Variants in UNC5C observed in about 807,000 individuals in gnomAD.
The protein encoded by UNC5C is unc-5 netrin receptor C, also known as netrin receptor UNC5C.
A neutral mutation model predicts 99.8 loss-of-function variants in UNC5C; 47 were observed. The observed-to-expected ratio is 0.47, with a 90% CI of 0.37 to 0.60. The LOEUF is 0.60. Among genes scored for constraint, UNC5C ranks in the 20% least tolerant of loss-of-function variants. The probability of loss-of-function intolerance (pLI) is 0.00; values close to 1 mark genes in which losing one functional copy is unlikely to be tolerated. For missense variants in UNC5C, 1,062 were observed against 1,165.9 expected (o/e 0.91, Z 1.30); for synonymous variants, 487 against 452.2 (o/e 1.08, Z -0.98).
chr4:95,405,831 T>C (rs1463773357), intron 1 of UNC5C, among the ~76,000 whole-genome samples: 1 of 152,224 alleles, frequency 6.6e-6, no homozygotes, highest in Non-Finnish European at 1.5e-5. Flanking sequence ...TTTACTATTA[T>C]TTGTGAATAT....
At chr4:95,375,396 T>C (rs1744865519) in intron 1 of UNC5C, among the ~76,000 whole-genome samples, 1 of 152,018 alleles carries the variant, frequency 6.6e-6, no homozygotes, top group African/African-American at 2.4e-5. Context: ...AAAATGACAA[T>C]GGATTATTTT....
chr4:95,514,124 T>C (rs1343383735), intron 1 of UNC5C, among the ~76,000 whole-genome samples: 1 of 152,164 alleles, frequency 6.6e-6, no homozygotes, highest in Admixed American at 6.5e-5. Context: ...CATTTTTCCA[T>C]CGTCTCATTC....
chr4:95,213,721 C>T (rs1340954600), intron 10 of UNC5C, among the ~76,000 whole-genome samples: 1 of 152,204 alleles, frequency 6.6e-6, no homozygotes. Context: ...GAAAAATGCT[C>T]AGAATTTTCC....
At chr4:95,233,503 TA>T (rs1302838040) in intron 7 of UNC5C, among the ~76,000 whole-genome samples, 1 of 148,760 alleles carries the variant, frequency 6.7e-6, no homozygotes, top group Non-Finnish European at 1.5e-5. Flanking sequence ...AATATATATA[TA>T]AATTTGCATT....
At chr4:95,435,315 T>G (rs958750043) in intron 1 of UNC5C, among the ~76,000 whole-genome samples, 36 of 87,274 alleles carry the variant, frequency 4.1e-4, no homozygotes, top group Non-Finnish European at 9.2e-4. Context: ...GTCATTTAAT[T>G]ATGTTTATGT....
chr4:95,311,586 T>C (rs762263953), intron 2 of UNC5C, among the ~76,000 whole-genome samples: 1 of 152,152 alleles, frequency 6.6e-6, no homozygotes, highest in Non-Finnish European at 1.5e-5. Context: ...TTAACGAAAG[T>C]GGGGCATAGT....
rs566125537 is a variant in UNC5C at position 95,531,806 on chromosome 4, G to A, written c.124+16928C>T. Among the ~76,000 whole-genome samples the A allele has an allele frequency of 1.5e-4, 23 of 152,306 alleles. No homozygotes were observed. In the South Asian group the frequency reaches 1.9e-3, roughly 12 times the overall value. ...ACACTCACACCATTGTGCCCTGCACGAGACTTGTTGACTTTATAGTGGAGA... is the reference window on the plus strand; with the variant it reads ...ACACTCACACCATTGTGCCCTGCACAAGACTTGTTGACTTTATAGTGGAGA... On this transcript the variant is annotated intron_variant, in intron 1 of 15. Transcript: ENST00000453304.
chr4:95,391,481 C>T (rs762660842), intron 1 of UNC5C, among the ~76,000 whole-genome samples: 6 of 152,070 alleles, frequency 3.9e-5, no homozygotes, highest in East Asian at 1.9e-4. Context: ...AGAAATTATG[C>T]TGAATAATTT....
In UNC5C at chr4:95,182,960, T is replaced by A. The variant is rs201410096; in HGVS notation, c.2388A>T (p.Lys796Asn). Residue 796 changes from lysine (K) to asparagine (N), a missense_variant, in exon 14 of 16, where the codon AAA (lysine) becomes AAT (asparagine). This residue lies in a region of UNC5C where 810 missense variants were observed against 854.5 expected (regional missense o/e 0.95). Transcript: ENST00000453304. ...CTCCTTCCACCTGCCGCACACAGAG[T>A]TTGCAAACCAGCTCCACTGTGTTCA... ...FSLNTVELVC[K>N]LCVRQVEGEG... 513 of 1,613,678 alleles carry A rather than the reference T, an allele frequency of 3.2e-4. No individual in the cohort carries two copies. The highest frequency in any genetic ancestry group is 4.1e-4 in the Non-Finnish European group (489 of 1,179,858).
At chr4:95,364,844 C>G (rs539055139) in intron 1 of UNC5C, among the ~76,000 whole-genome samples, 1 of 152,190 alleles carries the variant, frequency 6.6e-6, no homozygotes, top group African/African-American at 2.4e-5. Context: ...TTCTGCCCTA[C>G]TAACTTTCTC....
intron 4 of UNC5C, among the ~76,000 whole-genome samples, chr4:95,254,264 G>A (rs1467552095): frequency 2.0e-5 from 3 of 152,242 alleles, no homozygotes; most frequent in East Asian, 1.9e-4. Context: ...CAAAGGTGAC[G>A]CTTCCAACGT....
At chr4:95,310,805 TG>T (rs145632509) in intron 2 of UNC5C, among the ~76,000 whole-genome samples, 3,104 of 151,918 alleles carry the variant, frequency 0.02, 39 homozygotes, top group Middle Eastern at 0.034. Flanking sequence ...GTAACTGGGT[TG>T]GGGGGGGATT....
intron 1 of UNC5C, among the ~76,000 whole-genome samples, chr4:95,469,776 T>A (rs1747910584): frequency 1.3e-5 from 2 of 152,112 alleles, no homozygotes; most frequent in Non-Finnish European, 2.9e-5. Context: ...TTAATCAAAG[T>A]TTACTGTATT....
intron 1 of UNC5C, among the ~76,000 whole-genome samples, chr4:95,344,796 A>G (rs1001365295): frequency 1.3e-5 from 2 of 152,136 alleles, no homozygotes; most frequent in African/African-American, 2.4e-5. Flanking sequence ...GGATGACAAG[A>G]TATCATTTAC....
chr4:95,463,283 G>A (rs996981911), intron 1 of UNC5C, among the ~76,000 whole-genome samples: 5 of 152,166 alleles, frequency 3.3e-5, no homozygotes, highest in Admixed American at 2.0e-4. Context: ...CTAACAGGGA[G>A]AACAAGAAGG....
chr4:95,171,419 T>G (rs1296069052), intron 14 of UNC5C, among the ~76,000 whole-genome samples: 1 of 130,684 alleles, frequency 7.7e-6, no homozygotes, highest in African/African-American at 2.9e-5. Flanking sequence ...GTCCCCAGAG[T>G]GTGATGTTCC....
At chr4:95,217,003 G>A (rs1418793548) in intron 9 of UNC5C, among the ~76,000 whole-genome samples, 1 of 152,164 alleles carries the variant, frequency 6.6e-6, no homozygotes, top group Non-Finnish European at 1.5e-5. Flanking sequence ...CCACACCACT[G>A]CTCATCATCA....
chr4:95,451,466 C>A (rs1352790419), intron 1 of UNC5C, among the ~76,000 whole-genome samples: 2 of 152,138 alleles, frequency 1.3e-5, no homozygotes, highest in African/African-American at 4.8e-5. Flanking sequence ...ATATCTTAAC[C>A]ATAAGTCAAT....
At chr4:95,171,278 A>G (rs1189702831) in intron 14 of UNC5C, among the ~76,000 whole-genome samples, 1 of 151,714 alleles carries the variant, frequency 6.6e-6, no homozygotes, top group African/African-American at 2.4e-5. Context: ...ACATGTGCAC[A>G]ATGTGCAGGT....
Sources: gnomAD v4.1 joint callset for allele counts (sites outside exome capture counted in the v4.1 genomes callset) on GRCh38, gnomAD v4.1.1 for gene constraint, gnomAD v4.1.1 regional missense constraint, MANE v1.5 for transcripts, NCBI Gene and HGNC (gene_info 2026-07-23, HGNC 2026-07-21) for gene names.